Variants in DSE observed in about 807,000 individuals in gnomAD.
The protein encoded by DSE is dermatan sulfate epimerase.
Under a neutral mutation model 84.4 loss-of-function variants are expected in DSE, and 36 were observed. The ratio of observed to expected loss-of-function variants is 0.43; its 90% CI spans 0.33 to 0.56. The LOEUF (loss-of-function observed/expected upper bound fraction) is 0.56. Among genes scored for constraint, DSE ranks in the 20% least tolerant of loss-of-function variants. The pLI, the probability that DSE is intolerant of heterozygous loss-of-function variation, is 0.06. For missense variants in DSE, 862 were observed against 1,169.6 expected (o/e 0.74, Z 3.84); for synonymous variants, 410 against 430.1 (o/e 0.95, Z 0.58).
intron 2 of DSE, among the ~76,000 whole-genome samples, chr6:116,325,639 T>C (rs963587196): frequency 6.6e-6 from 1 of 152,200 alleles, no homozygotes; most frequent in Non-Finnish European, 1.5e-5. Flanking sequence ...GCTGTGGAAT[T>C]GTCTTCTGCC....
intron 1 of DSE, among the ~76,000 whole-genome samples, chr6:116,377,142 T>C (rs1779974781): frequency 6.6e-6 from 1 of 152,246 alleles, no homozygotes; most frequent in Non-Finnish European, 1.5e-5. Context: ...ATTTGAAATA[T>C]TCGTAGAGTT....
chr6:116,278,701 A>G, intron 2 of DSE: 1 of 1,614,160 alleles, frequency 6.2e-7, no homozygotes, highest in Non-Finnish European at 8.5e-7. Flanking sequence ...CCAAGTGAAG[A>G]AGCTGCAGAT....
At chr6:116,391,778 A>AG (rs1404619096) in intron 1 of DSE, among the ~76,000 whole-genome samples, 2 of 151,742 alleles carry the variant, frequency 1.3e-5, no homozygotes, top group African/African-American at 4.8e-5. Flanking sequence ...AAAAAAAAAA[A>AG]AAAAAAGGAG....
At chr6:116,290,598 T>C (rs1481890038) in intron 2 of DSE, among the ~76,000 whole-genome samples, 1 of 152,154 alleles carries the variant, frequency 6.6e-6, no homozygotes, top group Non-Finnish European at 1.5e-5. Flanking sequence ...AATATTTTAT[T>C]AATTTGTACT....
At chr6:116,295,241 C>T (rs1441303252) in intron 2 of DSE, among the ~76,000 whole-genome samples, 1 of 151,966 alleles carries the variant, frequency 6.6e-6, no homozygotes, top group Non-Finnish European at 1.5e-5. Flanking sequence ...GTTCAGGGAA[C>T]AGCCTAGGCA....
At chr6:116,322,937 T>A (rs1235274669) in intron 2 of DSE, among the ~76,000 whole-genome samples, 1 of 152,124 alleles carries the variant, frequency 6.6e-6, no homozygotes, top group Non-Finnish European at 1.5e-5. Flanking sequence ...TAGAGAGCAT[T>A]TTTTTGCTTC....
intron 2 of DSE, among the ~76,000 whole-genome samples, chr6:116,352,130 G>T (rs1003676564): frequency 1.6e-5 from 1 of 62,362 alleles, no homozygotes; most frequent in African/African-American, 1.6e-4. Context: ...AATTCTGCCT[G>T]TAAATATGTA....
At position 116,426,708 on chromosome 6, in the gene DSE, C is replaced by T. The variant is rs1373412992; in HGVS notation, c.551C>T (p.Ala184Val). ...QEKFLEVIANASGYMYETSYR... is the reference protein window; with the variant it reads ...QEKFLEVIANVSGYMYETSYR... ...AAGTTTCTTGAAGTGATTGCCAATG[C>T]CTCAGGGTATATGTATGAAACTTCA... The change falls in exon 3 of 6, where the codon GCC (alanine) becomes GTC (valine). Residue 184 changes from alanine (A) to valine (V), a missense_variant. This residue lies in a region of DSE where 309 missense variants were observed against 516.9 expected (regional missense o/e 0.60). Coordinates refer to ENST00000644252, the MANE Select transcript of DSE (RefSeq NM_013352.4). 6.2e-7 allele frequency: 1 copy of T among 1,614,162 alleles called. No individual in the cohort carries two copies. Among genetic ancestry groups the T allele is most frequent in the Admixed American group, 1.7e-5 (1 of 60,016 alleles).
At chr6:116,285,602 A>G (rs1045612360) in intron 2 of DSE, among the ~76,000 whole-genome samples, 7 of 152,172 alleles carry the variant, frequency 4.6e-5, no homozygotes, top group Non-Finnish European at 1.0e-4. Context: ...GCCCATGCCT[A>G]TGTCCTGAAT....
chr6:116,316,225 G>T lies in DSE; in HGVS notation c.-54+57258G>T, dbSNP rs564592820. Reference sequence around the variant, plus strand: ...GTTCAGATTGAACCTTTTGTTTAAAGGGGCAGATGGAAGATAGTAGGAGCA... The same window carrying T: ...GTTCAGATTGAACCTTTTGTTTAAATGGGCAGATGGAAGATAGTAGGAGCA... On this transcript the variant is annotated intron_variant, in intron 2 of 3. Transcript: ENST00000430252. Among the ~76,000 whole-genome samples the T allele has an allele frequency of 2.0e-5, 3 of 152,200 alleles. No homozygotes were observed. The East Asian group carries it at 5.8e-4, about 29-fold the overall frequency.
intron 2 of DSE, among the ~76,000 whole-genome samples, chr6:116,302,587 A>G (rs538686172): frequency 1.3e-5 from 2 of 152,230 alleles, no homozygotes; most frequent in South Asian, 4.1e-4. Flanking sequence ...CTCATTTTGT[A>G]GGTTGCCTAT....
exon 2 of DSE, chr6:116,258,946 G>A: frequency 2.0e-6 from 3 of 1,523,278 alleles, no homozygotes; most frequent in South Asian, 1.1e-5. Flanking sequence ...GCATTTGGCG[G>A]CATACCACCC....
chr6:116,264,075 G>A (rs542840947), intron 2 of DSE, among the ~76,000 whole-genome samples: 1 of 152,164 alleles, frequency 6.6e-6, no homozygotes, highest in East Asian at 1.9e-4. Context: ...ATGTGTCTTG[G>A]GGATGATCTT....
At chr6:116,352,700 AAAAT>A (rs1778371374) in intron 2 of DSE, among the ~76,000 whole-genome samples, 1 of 152,336 alleles carries the variant, frequency 6.6e-6, no homozygotes, top group Admixed American at 6.5e-5. Flanking sequence ...CAAGAAAAAA[AAAAT>A]GTTAGGTCTG....
In DSE at chr6:116,437,205, T is replaced by C; in HGVS notation, c.2737T>C (p.Phe913Leu). ...LFLILNIAIF[F>L]VMLAMQLTYF... ...CCTGATTCTGAACATTGCTATTTTC[T>C]TTGTCATGTTGGCAATGCAACTGAC... The change falls in exon 6 of 6, where the codon TTT becomes CTT. Residue 913 changes from phenylalanine to leucine, a missense_variant. Coordinates refer to ENST00000644252, the MANE Select transcript of DSE (RefSeq NM_013352.4). 6.2e-7 allele frequency: 1 copy of C among 1,614,132 alleles called. No homozygotes were observed. The highest frequency in any genetic ancestry group is 8.5e-7 in the Non-Finnish European group (1 of 1,180,004).
intron 2 of DSE, among the ~76,000 whole-genome samples, chr6:116,303,042 C>A (rs965774200): frequency 6.6e-6 from 1 of 152,034 alleles, no homozygotes; most frequent in East Asian, 1.9e-4. Flanking sequence ...AATCAGCATT[C>A]TTTTATCTCA....
chr6:116,293,229 T>C (rs1774406805), intron 2 of DSE, among the ~76,000 whole-genome samples: 1 of 152,148 alleles, frequency 6.6e-6, no homozygotes. Flanking sequence ...TTTGCTCAGA[T>C]GTGATATTGA....
intron 1 of DSE, among the ~76,000 whole-genome samples, chr6:116,377,769 T>A (rs1341092543): frequency 6.6e-6 from 1 of 152,006 alleles, no homozygotes; most frequent in Non-Finnish European, 1.5e-5. Context: ...AGAGCAGTAA[T>A]GAAGACCAAG....
intron 2 of DSE, among the ~76,000 whole-genome samples, chr6:116,416,243 A>C (rs1782699540): frequency 6.6e-6 from 1 of 152,116 alleles, no homozygotes; most frequent in African/African-American, 2.4e-5. Flanking sequence ...ACAAGGTTTT[A>C]AATCATATCT....
Sources: allele counts gnomAD v4.1 joint callset (sites outside exome capture counted in the v4.1 genomes callset), GRCh38; gene constraint gnomAD v4.1.1; regional missense constraint gnomAD v4.1.1; transcripts MANE v1.5; gene names NCBI Gene and HGNC (gene_info 2026-07-23, HGNC 2026-07-21).